The following EMC2 variants were observed in gnomAD, a reference collection of about 807,000 sequenced individuals.
EMC2 encodes ER membrane protein complex subunit 2, also known as TPR repeat protein 35.
EMC2 carries 37 observed loss-of-function variants against 51.6 expected under a neutral mutation model. That is an observed-to-expected ratio of 0.72 (90% CI 0.55 to 0.94). EMC2 has a LOEUF of 0.94. Ranked by LOEUF, EMC2 falls within the 40% of genes least tolerant of loss-of-function variation. The probability of loss-of-function intolerance (pLI) is 0.00; values close to 1 mark genes in which losing one functional copy is unlikely to be tolerated. For missense variants in EMC2, 359 were observed against 350.9 expected (o/e 1.02, Z -0.18); for synonymous variants, 131 against 112.4 (o/e 1.17, Z -1.04).
At chr8:108,481,012 G>T (rs1022151365) in intron 10 of EMC2, among the ~76,000 whole-genome samples, 3 of 152,112 alleles carry the variant, frequency 2.0e-5, no homozygotes, top group Non-Finnish European at 4.4e-5. Context: ...TTGTAGAGTA[G>T]TAGGTTGTCC....
rs1376644180 is a variant in EMC2 at position 108,453,229 on chromosome 8, C to G, written c.305+82C>G. 3 of 696,052 alleles carry G rather than the reference C, an allele frequency of 4.3e-6. No homozygotes were observed. The East Asian group carries it at 8.4e-5, about 20-fold the overall frequency. 43.1% of individuals were successfully genotyped at this position (696,052 alleles called of 1,614,324 possible). A position where few individuals can be genotyped will look rare whatever the true frequency, so the allele number is the denominator to read the frequency against. ...TTTTTTTTTTTTTAATTCAGACATT[C>G]TAGAGTGTGTGGAATACTGTCTCAA... is the stretch of plus-strand genomic sequence containing the variant. On this transcript the variant is annotated intron_variant, in intron 4 of 10. Transcript: ENST00000220853.
intron 3 of EMC2, among the ~76,000 whole-genome samples, chr8:108,452,103 A>G (rs1819038967): frequency 6.6e-6 from 1 of 152,216 alleles, no homozygotes; most frequent in Non-Finnish European, 1.5e-5. Flanking sequence ...AGGACTTCCA[A>G]AACTTTGAAT....
At position 108,455,926 on chromosome 8, in the gene EMC2, A is replaced by T. The variant is rs1373275435; in HGVS notation, c.359A>T (p.Asn120Ile). The part of the protein sequence containing the change: ...YDRILQEDPT[N>I]TAARKRKIAI... ...AGGATTTTACAAGAAGATCCAACTA[A>T]CACTGTAAGTTGGCAGATTGTCTTG... Residue 120 changes from asparagine (N) to isoleucine (I), a missense_variant, in exon 5 of 11, where the codon AAC becomes ATC. Coordinates refer to ENST00000220853, the MANE Select transcript of EMC2 (RefSeq NM_014673.5). 1 of 1,358,258 alleles carries T rather than the reference A, an allele frequency of 7.4e-7. No individual in the cohort carries two copies. The highest frequency in any genetic ancestry group is 1.0e-6 in the Non-Finnish European group (1 of 1,001,474). The allele number at this position is 1,358,258 out of a possible 1,614,324, so 84.1% of individuals were successfully genotyped here.
At chr8:108,459,007 C>T (rs1334721776) in intron 5 of EMC2, among the ~76,000 whole-genome samples, 1 of 152,208 alleles carries the variant, frequency 6.6e-6, no homozygotes. Context: ...AATCATCTCT[C>T]TCAAGTTCAG....
rs1810819143 is a variant in EMC2, at chr8:108,469,907, G to A, written c.445G>A (p.Glu149Lys). ...CATTCGGGAGCTGAATGAGTATCTG[G>A]AACAGTGAGTATTTTACAAGAGGAT... is the stretch of plus-strand genomic sequence containing the variant. Reference protein sequence around the residue: ...EAIRELNEYLEQFVGDQEAWH... With the variant: ...EAIRELNEYLKQFVGDQEAWH... The change falls in exon 6 of 11, where the codon GAA becomes AAA. Residue 149 changes from glutamate (E) to lysine (K), a missense_variant. Coordinates refer to ENST00000220853, the MANE Select transcript of EMC2 (RefSeq NM_014673.5). 6.2e-7 allele frequency: 1 copy of A among 1,609,486 alleles called. No individual in the cohort carries two copies. The highest frequency in any genetic ancestry group is 8.5e-7 in the Non-Finnish European group (1 of 1,176,058).
chr8:108,478,953 A>G (rs913223123), intron 9 of EMC2, 53 bp from the exon 10 acceptor site: 7 of 995,136 alleles, frequency 7.0e-6, no homozygotes, highest in East Asian at 2.7e-5. Flanking sequence ...GTTTTTGATT[A>G]TCTTGACTAG....
chr8:108,470,031 CACTT>C, intron 6 of EMC2, 27 bp from the exon 7 acceptor site: 7 of 1,595,170 alleles, frequency 4.4e-6, no homozygotes, highest in Non-Finnish European at 6.0e-6. Flanking sequence ...AATATCTACA[CACTT>C]ACTTTTTTTT....
intron 10 of EMC2, among the ~76,000 whole-genome samples, chr8:108,481,547 C>G (rs184365762): frequency 6.6e-5 from 10 of 152,136 alleles, no homozygotes; most frequent in Admixed American, 2.0e-4. Flanking sequence ...AACAGCTACT[C>G]AGAGTGCTTT....
chr8:108,481,176 G>A lies in EMC2; in HGVS notation c.807+2066G>A, dbSNP rs73699831. On this transcript the variant is annotated intron_variant, in intron 10 of 10. Transcript: ENST00000220853. Reference sequence around the variant, plus strand: ...TGTGGGCGTGGGTTCTGTTATGTTGGTTTTGGTGCTGGCTTTTTGTTGTTC... The same window carrying A: ...TGTGGGCGTGGGTTCTGTTATGTTGATTTTGGTGCTGGCTTTTTGTTGTTC... Among the ~76,000 whole-genome samples, 212 of 152,114 alleles carry A rather than the reference G, an allele frequency of 1.4e-3. 1 individual carries two copies. Among genetic ancestry groups the A allele is most frequent in the African/African-American group, 4.7e-3 (197 of 41,496 alleles).
chr8:108,461,591 G>A (rs1819319473), intron 5 of EMC2, among the ~76,000 whole-genome samples: 1 of 152,274 alleles, frequency 6.6e-6, no homozygotes, highest in Middle Eastern at 3.4e-3. Flanking sequence ...CATTATTAAA[G>A]TACAAGGCCT....
At chr8:108,443,822 G>T in intron 1 of EMC2, 124 bp downstream of exon 1, 1 of 794,480 alleles carries the variant, frequency 1.3e-6, no homozygotes, top group Non-Finnish European at 2.1e-6. Flanking sequence ...CTCACTGTAC[G>T]GGCCAAGCTG....
intron 1 of EMC2, among the ~76,000 whole-genome samples, chr8:108,444,190 TTTC>T (rs1315689618): frequency 6.6e-6 from 1 of 152,214 alleles, no homozygotes; most frequent in African/African-American, 2.4e-5. Context: ...TACATTTAGT[TTTC>T]TTCTTAAACC....
At chr8:108,454,585 T>G (rs537686573) in intron 4 of EMC2, among the ~76,000 whole-genome samples, 5 of 152,134 alleles carry the variant, frequency 3.3e-5, no homozygotes, top group Non-Finnish European at 7.4e-5. Flanking sequence ...TTGTTGCTGT[T>G]ACTACTTTGA....
chr8:108,445,888 G>A (rs1818867747), intron 1 of EMC2, among the ~76,000 whole-genome samples: 1 of 152,074 alleles, frequency 6.6e-6, no homozygotes, highest in Non-Finnish European at 1.5e-5. Flanking sequence ...TTTTTCTAGC[G>A]TTGAAATAAT....
rs1554620241 is a variant in EMC2, at chr8:108,486,505, T to TTTTTA, written c.808-7_808-6insTTTTA. 6.4e-7 allele frequency: 1 copy of TTTTTA among 1,554,412 alleles called. No individual in the cohort carries two copies. The highest frequency in any genetic ancestry group is 8.6e-7 in the Non-Finnish European group (1 of 1,158,756). On this transcript the variant is annotated splice_polypyrimidine_tract_variant and splice_region_variant and intron_variant, in intron 10 of 10. Transcript: ENST00000220853. ...TAATTGAGCTTTTTTTTTTTTTTTT[T>TTTTTA]AATTAGTTTGCAGGTCGAAGTAAGA...
At chr8:108,479,176 A>G (rs759053968) in intron 10 of EMC2, 66 bp downstream of exon 10, 8 of 812,374 alleles carry the variant, frequency 9.8e-6, no homozygotes, top group Non-Finnish European at 1.3e-5. Flanking sequence ...TGTTACTACA[A>G]ACTACAAAGT....
chr8:108,455,886 A>G lies in EMC2; in HGVS notation c.319A>G (p.Ile107Val). 3 of 1,294,662 alleles carry G rather than the reference A, an allele frequency of 2.3e-6. No homozygotes were observed. The highest frequency in any genetic ancestry group is 3.2e-6 in the Non-Finnish European group (3 of 931,760). 80.2% of individuals were successfully genotyped at this position (1,294,662 alleles called of 1,614,324 possible). A position where few individuals can be genotyped will look rare whatever the true frequency, so the allele number is the denominator to read the frequency against. The change falls in exon 5 of 11, where the codon ATA becomes GTA. Residue 107 changes from isoleucine (I) to valine (V), a missense_variant. Physicochemically the swap from Ile to Val is conservative, Grantham distance 29 (BLOSUM62 3). Transcript: ENST00000220853. ...CTTTTTAAATAGATATGATGATGCT[A>G]TACAGCTATATGATAGGATTTTACA... ...FEAMERYDDA[I>V]QLYDRILQED...
chr8:108,448,480 C>T (rs1818933740), intron 1 of EMC2, among the ~76,000 whole-genome samples: 1 of 152,162 alleles, frequency 6.6e-6, no homozygotes, highest in Non-Finnish European at 1.5e-5. Flanking sequence ...CTTTCCCATG[C>T]TGTTCTCATT....
intron 4 of EMC2, 86 bp from the exon 5 acceptor site, chr8:108,455,787 G>C (rs1023603260): frequency 2.0e-6 from 1 of 512,264 alleles, no homozygotes; most frequent in Non-Finnish European, 3.5e-6. Context: ...AAATATTAAA[G>C]CCAGTTTAAT....
Sources: allele counts gnomAD v4.1 joint callset (sites outside exome capture counted in the v4.1 genomes callset), GRCh38; gene constraint gnomAD v4.1.1; transcripts MANE v1.5; gene names NCBI Gene and HGNC (gene_info 2026-07-23, HGNC 2026-07-21).